Variants in HECW1 observed in about 807,000 individuals in gnomAD.
The protein encoded by HECW1 is HECT, C2 and WW domain containing E3 ubiquitin protein ligase 1.
A neutral mutation model predicts 182.3 loss-of-function variants in HECW1; 61 were observed. The ratio of observed to expected loss-of-function variants is 0.33; its 90% CI spans 0.27 to 0.41. The LOEUF (loss-of-function observed/expected upper bound fraction) is 0.41, where lower values mean the gene tolerates loss of function less well. Among genes scored for constraint, HECW1 ranks in the 10% least tolerant of loss-of-function variants. HECW1 has a pLI of 1.00. For missense variants in HECW1, 1,739 were observed against 2,108.9 expected, an observed-to-expected ratio of 0.82 and a Z score of 3.44; for synonymous variants, 859 against 832.6, an observed-to-expected ratio of 1.03 and a Z score of -0.55.
In HECW1 at chr7:43,485,483, A is replaced by C. The variant is rs1019127000; in HGVS notation, c.3234+5739A>C. On this transcript the variant is annotated intron_variant, in intron 17 of 29. Transcript: ENST00000395891. ...ATTCTGAAAATGTTGTTGTTAGGCA[A>C]TCTTGTCACTGTGGACATCCTAGAG... Among the ~76,000 whole-genome samples, 3 of 152,156 alleles carry C rather than the reference A, an allele frequency of 2.0e-5. No individual in the cohort carries two copies. In the South Asian group the frequency reaches 6.2e-4, roughly 32 times the overall value.
chr7:43,469,197 A>C, intron 16 of HECW1, 92 bp downstream of exon 16: 1 of 1,339,450 alleles, frequency 7.5e-7, no homozygotes, highest in Non-Finnish European at 1.0e-6. Flanking sequence ...TGTGGGGAGG[A>C]GTTATGTCTG....
At chr7:43,466,675 A>C in intron 15 of HECW1, 107 bp downstream of exon 15, 3 of 1,295,698 alleles carry the variant, frequency 2.3e-6, no homozygotes, top group South Asian at 3.2e-5. Flanking sequence ...TAACATAAGC[A>C]AGAAAAAACA....
chr7:43,218,785 C>T (rs79149547), intron 2 of HECW1, among the ~76,000 whole-genome samples: 2,251 of 152,210 alleles, frequency 0.015, 58 homozygotes, highest in African/African-American at 0.052. Context: ...GAAAGTGATA[C>T]AACGAGTGGA....
At chr7:43,218,768 G>T (rs1354088996) in intron 2 of HECW1, among the ~76,000 whole-genome samples, 1 of 152,196 alleles carries the variant, frequency 6.6e-6, no homozygotes, top group Admixed American at 6.5e-5. Context: ...ATTGGAAGGT[G>T]TATAGAGAAA....
intron 8 of HECW1, among the ~76,000 whole-genome samples, chr7:43,420,479 A>G (rs556708089): frequency 1.4e-3 from 219 of 152,330 alleles, no homozygotes; most frequent in African/African-American, 5.1e-3. Flanking sequence ...CAGTGCAACA[A>G]GGTAAAAAAA....
rs2081342557 is a variant in HECW1 at position 43,540,970 on chromosome 7, C to G, written c.4020-193C>G. ...CTGGAAGAGGAGGCTTCCTTTAGTCCCTAACAAGCACACAGGGATTGTTCA... is the reference window on the plus strand; with the variant it reads ...CTGGAAGAGGAGGCTTCCTTTAGTCGCTAACAAGCACACAGGGATTGTTCA... On this transcript the variant is annotated intron_variant, in intron 24 of 29. Transcript: ENST00000395891. Among the ~76,000 whole-genome samples the G allele has an allele frequency of 5.3e-5, 8 of 152,124 alleles. No homozygotes were observed. The South Asian group carries it at 1.7e-3, about 32-fold the overall frequency.
chr7:43,475,905 G>A (rs141135921), intron 16 of HECW1, among the ~76,000 whole-genome samples: 38 of 152,236 alleles, frequency 2.5e-4, no homozygotes, highest in African/African-American at 8.7e-4. Context: ...ATGTAAATAT[G>A]TTTTCGTGAC....
intron 3 of HECW1, among the ~76,000 whole-genome samples, chr7:43,251,884 G>C (rs1186009417): frequency 6.6e-6 from 1 of 152,130 alleles, no homozygotes; most frequent in Non-Finnish European, 1.5e-5. Flanking sequence ...GCTATTACCT[G>C]ACAGGTAGGT....
intron 13 of HECW1, among the ~76,000 whole-genome samples, chr7:43,462,033 A>G (rs891868982): frequency 3.3e-5 from 5 of 152,236 alleles, no homozygotes; most frequent in African/African-American, 4.8e-5. Context: ...TACAGTAAAA[A>G]AAGCTTTCCT....
intron 6 of HECW1, among the ~76,000 whole-genome samples, chr7:43,374,980 T>C (rs2074268689): frequency 6.6e-6 from 1 of 151,964 alleles, no homozygotes. Flanking sequence ...ACAATAATAA[T>C]CCAATACACA....
In HECW1 at chr7:43,340,700, G is replaced by A. The variant is rs187260184; in HGVS notation, c.460+19958G>A. Among the ~76,000 whole-genome samples the A allele has an allele frequency of 1.1e-3, 164 of 151,742 alleles. 6 individuals are homozygous for A. The highest frequency in any genetic ancestry group is 0.01 in the Middle Eastern group (3 of 292). ...TCCCCTAAATTAAAGCTACAGTGTC[G>A]TCTGTTGGTGGGAGTGTAAACTAGT... On this transcript the variant is annotated intron_variant, in intron 5 of 29. Coordinates refer to ENST00000395891, the MANE Select transcript of HECW1 (RefSeq NM_015052.5).
intron 14 of HECW1, among the ~76,000 whole-genome samples, chr7:43,465,653 T>A (rs536485442): frequency 1.3e-5 from 2 of 152,278 alleles, no homozygotes; most frequent in East Asian, 3.9e-4. Context: ...CAACTGGGTG[T>A]GGATACAAGG....
intron 2 of HECW1, among the ~76,000 whole-genome samples, chr7:43,224,546 C>T (rs1267298316): frequency 2.0e-5 from 3 of 152,214 alleles, no homozygotes; most frequent in Non-Finnish European, 2.9e-5. Flanking sequence ...TAAGGCCAAG[C>T]GCAGTGGCTC....
At chr7:43,489,985 CTT>C (rs1254695682) in intron 17 of HECW1, among the ~76,000 whole-genome samples, 3 of 151,936 alleles carry the variant, frequency 2.0e-5, no homozygotes, top group Non-Finnish European at 2.9e-5. Context: ...AATGTCTTTC[CTT>C]TTTTTTAAAT....
chr7:43,223,435 T>C (rs1255047767), intron 2 of HECW1, among the ~76,000 whole-genome samples: 1 of 152,170 alleles, frequency 6.6e-6, no homozygotes, highest in Non-Finnish European at 1.5e-5. Flanking sequence ...CTGGCTAACA[T>C]GGTGAAACCC....
intron 5 of HECW1, among the ~76,000 whole-genome samples, chr7:43,348,862 G>A (rs1446590964): frequency 6.6e-6 from 1 of 152,072 alleles, no homozygotes; most frequent in Non-Finnish European, 1.5e-5. Context: ...ATTACACTGT[G>A]GTCTGAGAGA....
At chr7:43,554,922 T>C (rs1438058504) in intron 29 of HECW1, 132 bp downstream of exon 29, 2 of 823,464 alleles carry the variant, frequency 2.4e-6, no homozygotes, top group Non-Finnish European at 3.8e-6. Context: ...ATTGGAGTTA[T>C]TAGGGAAAGG....
chr7:43,200,157 C>A (rs1391481976), intron 2 of HECW1, among the ~76,000 whole-genome samples: 2 of 152,066 alleles, frequency 1.3e-5, no homozygotes, highest in Non-Finnish European at 2.9e-5. Context: ...ATTTGATTGG[C>A]CCAAATTAGA....
chr7:43,480,638 T>C (rs1361201284), intron 17 of HECW1, among the ~76,000 whole-genome samples: 2 of 150,854 alleles, frequency 1.3e-5, no homozygotes, highest in African/African-American at 2.5e-5. Flanking sequence ...TGTGTGTGTG[T>C]ACATATGTGT....
Sources: gnomAD v4.1 joint callset for allele counts (sites outside exome capture counted in the v4.1 genomes callset) on GRCh38, gnomAD v4.1.1 for gene constraint, MANE v1.5 for transcripts, NCBI Gene and HGNC (gene_info 2026-07-23, HGNC 2026-07-21) for gene names.